TMX3: variants seen among roughly 807,000 people sequenced by gnomAD.
TMX3 encodes thioredoxin related transmembrane protein 3.
In TMX3, 40 loss-of-function variants were observed where a neutral mutation model predicts 64.4. The ratio of observed to expected loss-of-function variants is 0.62; its 90% CI spans 0.48 to 0.81. TMX3 has a LOEUF of 0.81. Ranked by LOEUF, TMX3 falls within the 30% of genes least tolerant of loss-of-function variation. The pLI is 0.00. For synonymous variants in TMX3, 189 were observed against 175.7 expected, an observed-to-expected ratio of 1.08 and a Z score of -0.60; for missense variants, 497 against 534.5, an observed-to-expected ratio of 0.93 and a Z score of 0.69.
In TMX3 at chr18:68,677,287, T is replaced by C. The variant is rs1317143952; in HGVS notation, c.1105-94A>G. On this transcript the variant is annotated intron_variant, in intron 15 of 15. Coordinates refer to ENST00000299608, the MANE Select transcript of TMX3 (RefSeq NM_019022.5). The stretch of plus-strand genomic sequence containing the variant: ...TTGAAACCACTATAGATTTCTCTTG[T>C]TGCTATTCAGCTTGTTTTTAGTTCC... The C allele has an allele frequency of 6.5e-6, 9 of 1,375,560 alleles. No homozygotes were observed. In the Admixed American group the frequency reaches 9.5e-5, roughly 15 times the overall value. 85.2% of individuals were successfully genotyped at this position (1,375,560 alleles called of 1,614,324 possible).
chr18:68,676,810 T>C lies in TMX3; in HGVS notation c.*123A>G, dbSNP rs1047432007. On this transcript the variant is annotated 3_prime_UTR_variant, in exon 16 of 16. Transcript: ENST00000299608. ...GAGGGACTACTTTAATCCATGCAGT[T>C]GATATTAGCAAAATACGAATAACAT... The C allele has an allele frequency of 8.0e-7, 1 of 1,255,568 alleles. No homozygotes were observed. The highest frequency in any genetic ancestry group is 1.1e-6 in the Non-Finnish European group (1 of 926,634). 77.8% of individuals were successfully genotyped at this position (1,255,568 alleles called of 1,614,324 possible).
chr18:68,684,542 A>C (rs1913758361), intron 10 of TMX3, 57 bp from the exon 11 acceptor site: 15 of 1,446,120 alleles, frequency 1.0e-5, no homozygotes, highest in Non-Finnish European at 1.4e-5. Flanking sequence ...AAACTGTTCA[A>C]TTATCACTTT....
intron 4 of TMX3, among the ~76,000 whole-genome samples, chr18:68,703,676 A>T (rs945840453): frequency 6.6e-5 from 10 of 152,024 alleles, no homozygotes; most frequent in Non-Finnish European, 1.0e-4. Flanking sequence ...TATAACATTT[A>T]AAAAAAGCCT....
intron 8 of TMX3, among the ~76,000 whole-genome samples, chr18:68,695,170 C>T (rs1370822723): frequency 6.6e-6 from 1 of 152,308 alleles, no homozygotes; most frequent in Admixed American, 6.5e-5. Flanking sequence ...CCACCAACAA[C>T]CTCCATGTGG....
In TMX3 at chr18:68,680,970, G is replaced by A; in HGVS notation, c.1035+11C>T. The A allele has an allele frequency of 6.4e-7, 1 of 1,566,094 alleles. No homozygotes were observed. Among genetic ancestry groups the A allele is most frequent in the Non-Finnish European group, 8.6e-7 (1 of 1,157,910 alleles). ...TCCATCATCTCTTTGAAACAGAAGT[G>A]AACAACTTACTTCTACTGTGCCATC... On this transcript the variant is annotated intron_variant, in intron 14 of 15. Coordinates refer to ENST00000299608, the MANE Select transcript of TMX3 (RefSeq NM_019022.5).
chr18:68,677,541 T>A (rs1287965299), intron 15 of TMX3, among the ~76,000 whole-genome samples: 1 of 152,124 alleles, frequency 6.6e-6, no homozygotes, highest in Non-Finnish European at 1.5e-5. Flanking sequence ...AGTTGCTTCC[T>A]GAACCACAGG....
At chr18:68,705,061 A>G (rs1363666276) in intron 4 of TMX3, among the ~76,000 whole-genome samples, 1 of 152,222 alleles carries the variant, frequency 6.6e-6, no homozygotes, top group Non-Finnish European at 1.5e-5. Context: ...AAGGTATAAC[A>G]TATGGCAGTG....
chr18:68,697,916 TAA>T lies in TMX3; in HGVS notation c.492+14_492+15del, dbSNP rs760693974. 9 of 1,537,280 alleles carry T rather than the reference TAA, an allele frequency of 5.9e-6. No individual in the cohort carries two copies. Among genetic ancestry groups the T allele is most frequent in the African/African-American group, 4.1e-5 (3 of 73,022 alleles). ...TTACAATACATCTGTTTTTGTGGAT[TAA>T]AAAAAAGTCTTACTTTCAAAGGTGA... On this transcript the variant is annotated intron_variant, in intron 7 of 15. Transcript: ENST00000299608.
At chr18:68,711,585 G>A (rs1333823309) in intron 2 of TMX3, among the ~76,000 whole-genome samples, 182 bp from the exon 3 acceptor site, 1 of 152,086 alleles carries the variant, frequency 6.6e-6, no homozygotes, top group Non-Finnish European at 1.5e-5. Context: ...AAAAGCAGAG[G>A]ACTGATCAAT....
chr18:68,700,820 T>C (rs1258888425), intron 5 of TMX3: 2 of 984,848 alleles, frequency 2.0e-6, no homozygotes, highest in African/African-American at 3.5e-5. Flanking sequence ...TTACCTTCCC[T>C]GTCAAAAGGT....
intron 8 of TMX3, among the ~76,000 whole-genome samples, chr18:68,692,864 T>C (rs1475972466): frequency 6.6e-6 from 1 of 152,026 alleles, no homozygotes; most frequent in Non-Finnish European, 1.5e-5. Flanking sequence ...GCCCTCTGGG[T>C]TCTAGGGATT....
At chr18:68,701,544 G>T in intron 5 of TMX3, 1 of 1,247,240 alleles carries the variant, frequency 8.0e-7, no homozygotes, top group Non-Finnish European at 1.1e-6. Context: ...ACGTGAATTA[G>T]CCATAAACAA....
Position 68,701,777 on chromosome 18 carries a change from C to T in TMX3, c.279G>A (p.Glu93=), listed in dbSNP as rs767803893. 6.2e-7 allele frequency: 1 copy of T among 1,611,470 alleles called. No individual in the cohort carries two copies. The highest frequency in any genetic ancestry group is 2.2e-5 in the East Asian group (1 of 44,750). Residue 93 remains glutamate, a synonymous_variant, in exon 5 of 16, where the codon GAG becomes GAA. Transcript: ENST00000299608. ...DATSYSSIAS[E]FGVRGYPTIK... is the part of the protein sequence containing the mutation. Reference sequence around the variant, plus strand: ...TTGTTGGATAACCTCGAACTCCAAACTCTGAAGCAATGCCTTGATAAGAAA... The same window carrying T: ...TTGTTGGATAACCTCGAACTCCAAATTCTGAAGCAATGCCTTGATAAGAAA...
chr18:68,710,635 A>C (rs890936995), intron 3 of TMX3, among the ~76,000 whole-genome samples: 3 of 152,200 alleles, frequency 2.0e-5, no homozygotes, highest in African/African-American at 4.8e-5. Context: ...CATAGGGACA[A>C]GCCAGGTTGA....
intron 10 of TMX3, among the ~76,000 whole-genome samples, 159 bp from the exon 11 acceptor site, chr18:68,684,644 ATGTT>A (rs999816156): frequency 1.3e-5 from 2 of 152,188 alleles, no homozygotes; most frequent in African/African-American, 4.8e-5. Flanking sequence ...ATTACGGTAT[ATGTT>A]TGTAGAGTCA....
intron 9 of TMX3, 59 bp downstream of exon 9, chr18:68,691,236 T>A: frequency 8.3e-7 from 1 of 1,201,560 alleles, no homozygotes; most frequent in Non-Finnish European, 1.2e-6. Context: ...ACACCTAAGT[T>A]GTATAACAGA....
chr18:68,677,008 C>T lies in TMX3; in HGVS notation c.1290G>A (p.Gln430=), dbSNP rs1403177927. 1 of 1,613,832 alleles carries T rather than the reference C, an allele frequency of 6.2e-7. No homozygotes were observed. Among genetic ancestry groups the T allele is most frequent in the Non-Finnish European group, 8.5e-7 (1 of 1,179,840 alleles). Residue 430 remains glutamine (Q), a synonymous_variant, in exon 16 of 16, where the codon CAG becomes CAA. Coordinates refer to ENST00000299608, the MANE Select transcript of TMX3 (RefSeq NM_019022.5). ...QEQIEESKEQ[Q]EPSSGGSVVP... ...CTACAGATCCTCCACTGCTGGGCTC[C>T]TGCTGTTCTTTGCTCTCTTCTATCT...
intron 6 of TMX3, among the ~76,000 whole-genome samples, chr18:68,698,549 A>G (rs1915341238): frequency 6.6e-6 from 1 of 152,228 alleles, no homozygotes; most frequent in Non-Finnish European, 1.5e-5. Context: ...TAAAAAGCAT[A>G]TCATTAATCA....
chr18:68,696,932 C>T (rs553111000), intron 8 of TMX3: 1 of 254,210 alleles, frequency 3.9e-6, no homozygotes, highest in Non-Finnish European at 7.6e-6. Context: ...CACTTGTAAG[C>T]CAATTTAGGA....
Sources: gnomAD v4.1 joint callset for allele counts (sites outside exome capture counted in the v4.1 genomes callset) on GRCh38, gnomAD v4.1.1 for gene constraint, MANE v1.5 for transcripts, NCBI Gene and HGNC (gene_info 2026-07-23, HGNC 2026-07-21) for gene names.